Variants in CALD1 observed in about 807,000 individuals in gnomAD.
CALD1 encodes caldesmon.
A neutral mutation model predicts 99.9 loss-of-function variants in CALD1; 33 were observed. That is an observed-to-expected ratio of 0.33 (90% confidence interval 0.25 to 0.44). The LOEUF (loss-of-function observed/expected upper bound fraction) is 0.44. Ranked by LOEUF, CALD1 falls within the 20% of genes least tolerant of loss-of-function variation. CALD1 has a pLI of 1.00. For missense variants in CALD1, 861 were observed against 962.1 expected, an observed-to-expected ratio of 0.89 and a Z score of 1.39; for synonymous variants, 310 against 325.0, an observed-to-expected ratio of 0.95 and a Z score of 0.50.
intron 14 of CALD1, among the ~76,000 whole-genome samples, chr7:134,967,761 A>C (rs2133306576): frequency 6.6e-6 from 1 of 152,290 alleles, no homozygotes; most frequent in South Asian, 2.1e-4. Flanking sequence ...GCTATAAGCA[A>C]GGCCAAAAGT....
At chr7:134,755,713 G>A (rs1293567121) in intron 1 of CALD1, among the ~76,000 whole-genome samples, 4 of 152,032 alleles carry the variant, frequency 2.6e-5, no homozygotes, top group Admixed American at 2.6e-4. Context: ...TCTGTCTCTT[G>A]TCTTTACATT....
At chr7:134,948,057 T>G (rs1584647663) in intron 8 of CALD1, 1 of 292,560 alleles carries the variant, frequency 3.4e-6, no homozygotes, top group East Asian at 6.1e-5. Flanking sequence ...CTCCCTTGAG[T>G]CTGCCTGACA....
intron 1 of CALD1, among the ~76,000 whole-genome samples, chr7:134,770,850 C>A (rs991174528): frequency 6.6e-6 from 1 of 152,168 alleles, no homozygotes; most frequent in Non-Finnish European, 1.5e-5. Flanking sequence ...TGGACAGGCA[C>A]GCCGTCACCT....
chr7:134,852,131 T>C (rs917546353), intron 2 of CALD1, among the ~76,000 whole-genome samples: 4 of 152,130 alleles, frequency 2.6e-5, no homozygotes, highest in African/African-American at 4.8e-5. Flanking sequence ...CATATAGTAT[T>C]GATCACCAAG....
At position 134,863,225 on chromosome 7, in the gene CALD1, G is replaced by A. The variant is rs138389930; in HGVS notation, c.-41-4468G>A. 2.6e-3 allele frequency among the ~76,000 whole-genome samples: 403 copies of A among 152,198 alleles called. 4 individuals carry two copies. The highest frequency in any genetic ancestry group is 9.2e-3 in the African/African-American group (383 of 41,528). ...TATGGAAACTCTGTACTCTCTATTC[G>A]CTTTTTTTCTGCTCTAAGAAATAAG... On this transcript the variant is annotated intron_variant, in intron 2 of 14. Coordinates refer to ENST00000361675, the MANE Select transcript of CALD1 (RefSeq NM_033138.4).
the CALD1 span, among the ~76,000 whole-genome samples, chr7:134,720,868 G>A: frequency 6.6e-6 from 1 of 152,236 alleles, no homozygotes; most frequent in Admixed American, 6.5e-5. Context: ...GGCTTGTACA[G>A]TGTGTATTTT....
the CALD1 span, among the ~76,000 whole-genome samples, chr7:134,726,494 GCTTT>G: frequency 1.5e-4 from 19 of 128,682 alleles, 1 homozygote; most frequent in African/African-American, 5.6e-4. Context: ...ATATTATATA[GCTTT>G]AGATATATAA....
chr7:134,867,876 C>G, intron 3 of CALD1, 72 bp downstream of exon 3: 1 of 930,438 alleles, frequency 1.1e-6, no homozygotes, highest in South Asian at 1.7e-5. Context: ...AAAGACCATC[C>G]TTTTGAGAGG....
chr7:134,822,611 T>C (rs1009444423), intron 1 of CALD1, among the ~76,000 whole-genome samples: 1 of 152,238 alleles, frequency 6.6e-6, no homozygotes, highest in Non-Finnish European at 1.5e-5. Context: ...ATTCTGTAGT[T>C]GTTTTCTGAG....
chr7:134,861,367 C>T (rs915622928), intron 2 of CALD1, among the ~76,000 whole-genome samples: 1 of 152,104 alleles, frequency 6.6e-6, no homozygotes, highest in East Asian at 1.9e-4. Context: ...ATGTTGTACC[C>T]AGAAATCACC....
chr7:134,854,065 T>C (rs900578795), intron 2 of CALD1, among the ~76,000 whole-genome samples: 3 of 152,230 alleles, frequency 2.0e-5, no homozygotes, highest in East Asian at 3.8e-4. Context: ...GGTTGCATAG[T>C]ATTCCATGGT....
At chr7:134,807,713 C>T (rs1295314803) in intron 1 of CALD1, among the ~76,000 whole-genome samples, 6 of 152,026 alleles carry the variant, frequency 3.9e-5, no homozygotes, top group East Asian at 1.9e-4. Flanking sequence ...CTGCAACCTC[C>T]GCCTCCCTAG....
intron 3 of CALD1, among the ~76,000 whole-genome samples, chr7:134,919,575 G>T (rs1438855325): frequency 6.6e-6 from 1 of 152,180 alleles, no homozygotes; most frequent in Non-Finnish European, 1.5e-5. Flanking sequence ...ATTATTGAGA[G>T]CCCAAGTATG....
At chr7:134,885,422 G>A (rs1801809141) in intron 3 of CALD1, among the ~76,000 whole-genome samples, 1 of 152,070 alleles carries the variant, frequency 6.6e-6, no homozygotes, top group African/African-American at 2.4e-5. Context: ...ATCCAGGTCT[G>A]ACCACCCCCC....
intron 1 of CALD1, among the ~76,000 whole-genome samples, chr7:134,749,870 A>T (rs979361985): frequency 6.6e-6 from 1 of 152,188 alleles, no homozygotes; most frequent in Non-Finnish European, 1.5e-5. Flanking sequence ...AGGGATACAC[A>T]AAACAGGTTC....
intron 1 of CALD1, among the ~76,000 whole-genome samples, chr7:134,754,872 A>C (rs1796714474): frequency 6.6e-6 from 1 of 152,254 alleles, no homozygotes; most frequent in Non-Finnish European, 1.5e-5. Context: ...GAAAAGTAAA[A>C]TTGTTAGACA....
chr7:134,969,375 C>T lies in CALD1; in HGVS notation c.*1030C>T, dbSNP rs1000103430. 2.0e-5 allele frequency: 3 copies of T among 152,190 alleles called. No homozygotes were observed. The highest frequency in any genetic ancestry group is 1.9e-4 in the East Asian group (1 of 5,200). 9.4% of individuals were successfully genotyped at this position (152,190 alleles called of 1,614,324 possible). On this transcript the variant is annotated 3_prime_UTR_variant, in exon 15 of 15. Transcript: ENST00000361675. ...GTGAATTTTATTAATGCTATCATCT[C>T]GACCAAGCTCAAAGCCTACTTATTA...
chr7:134,773,018 C>A (rs1353177177), intron 1 of CALD1, among the ~76,000 whole-genome samples: 1 of 152,206 alleles, frequency 6.6e-6, no homozygotes, highest in African/African-American at 2.4e-5. Flanking sequence ...AGCATATAAC[C>A]TTGGAACTTG....
chr7:134,751,701 G>A (rs1290968514), intron 1 of CALD1, among the ~76,000 whole-genome samples: 1 of 152,150 alleles, frequency 6.6e-6, no homozygotes, highest in Non-Finnish European at 1.5e-5. Flanking sequence ...CTAGGGCTGG[G>A]CGTGGTGGCT....
Sources: gnomAD v4.1 joint callset for allele counts (sites outside exome capture counted in the v4.1 genomes callset) on GRCh38, gnomAD v4.1.1 for gene constraint, MANE v1.5 for transcripts, NCBI Gene and HGNC (gene_info 2026-07-23, HGNC 2026-07-21) for gene names.